SHROOM4: variants seen among roughly 807,000 people sequenced by gnomAD.
The protein encoded by SHROOM4 is shroom family member 4.
SHROOM4 carries 17 observed loss-of-function variants against 80.3 expected under a neutral mutation model. The ratio of observed to expected loss-of-function variants is 0.21; its 90% CI spans 0.14 to 0.32. SHROOM4 has a LOEUF of 0.32. Among genes scored for constraint, SHROOM4 ranks in the 10% least tolerant of loss-of-function variants. SHROOM4 has a pLI of 1.00. For missense variants in SHROOM4, 993 were observed against 1,140.3 expected, an observed-to-expected ratio of 0.87 and a Z score of 1.86; for synonymous variants, 400 against 437.5, an observed-to-expected ratio of 0.91 and a Z score of 1.07.
chrX:50,586,371 T>C (rs941311238), downstream of SHROOM4, among the ~76,000 whole-genome samples: 12 of 111,754 alleles, frequency 1.1e-4, no homozygotes, highest in African/African-American at 1.6e-4. Flanking sequence ...TAGAATCAAC[T>C]CAACACCCAG....
intron 5 of SHROOM4, among the ~76,000 whole-genome samples, chrX:50,610,674 T>C (rs1929929133): frequency 9.0e-6 from 1 of 111,237 alleles, no homozygotes; most frequent in South Asian, 3.8e-4. Context: ...TCAATAAATA[T>C]GTTTAACAAA....
chrX:50,811,401 AC>A (rs1557273429), intron 1 of SHROOM4, among the ~76,000 whole-genome samples: 1 of 110,491 alleles, frequency 9.1e-6, no homozygotes, highest in Non-Finnish European at 1.9e-5. Context: ...GGATGCCTAG[AC>A]CCAGGTAGGG....
chrX:50,619,209 T>C (rs1303139475), intron 5 of SHROOM4, among the ~76,000 whole-genome samples: 1 of 111,167 alleles, frequency 9.0e-6, no homozygotes, highest in Non-Finnish European at 1.9e-5. Context: ...CTGAAAAATC[T>C]CCTCCTACCT....
At chrX:50,602,177 C>T (rs1053195053) in intron 7 of SHROOM4, among the ~76,000 whole-genome samples, 4 of 108,984 alleles carry the variant, frequency 3.7e-5, no homozygotes, top group African/African-American at 6.7e-5. Flanking sequence ...CTGCAACCTC[C>T]GCCTCCCGGG....
At chrX:50,679,335 T>C (rs1557261594) in intron 2 of SHROOM4, among the ~76,000 whole-genome samples, 3 of 111,843 alleles carry the variant, frequency 2.7e-5, no homozygotes. Flanking sequence ...CTTAACAAAG[T>C]TCAACTCCGC....
chrX:50,615,394 T>A (rs180943753), intron 5 of SHROOM4, among the ~76,000 whole-genome samples: 1 of 111,087 alleles, frequency 9.0e-6, no homozygotes, highest in East Asian at 2.8e-4. Context: ...CACTGAGATA[T>A]CATTTCCTTG....
intron 1 of SHROOM4, among the ~76,000 whole-genome samples, chrX:50,756,847 T>C (rs1269348642): frequency 1.8e-5 from 2 of 112,213 alleles, no homozygotes; most frequent in Non-Finnish European, 3.8e-5. Context: ...ATCTGTCTTA[T>C]TACTGAGTTG....
chrX:50,623,445 A>C (rs7063360), intron 5 of SHROOM4, among the ~76,000 whole-genome samples: 39,594 of 110,103 alleles, frequency 0.36, 5,315 homozygotes, highest in South Asian at 0.42. Flanking sequence ...GCTTCGGCCT[A>C]CCAAAGTGTT....
At chrX:50,648,084 G>A (rs781831688) in intron 2 of SHROOM4, among the ~76,000 whole-genome samples, 65 of 112,119 alleles carry the variant, frequency 5.8e-4, no homozygotes, top group African/African-American at 2.1e-3. Flanking sequence ...CTTGGCTGAT[G>A]GATTTGTGTG....
Position 50,813,136 on chromosome X carries a change from T to TGGCGGC in SHROOM4, c.117+760_117+765dup, listed in dbSNP as rs782457315. ...ACAGACTCCTAAAACAAACAAACCC[T>TGGCGGC]GGCGGCGGCGGCGGCGGCGGCAGTG... On this transcript the variant is annotated intron_variant, in intron 1 of 8. Transcript: ENST00000376020. Among the ~76,000 whole-genome samples, 41 of 97,722 alleles carry TGGCGGC rather than the reference T, an allele frequency of 4.2e-4. No homozygotes were observed. In the South Asian group the frequency reaches 7.8e-3, roughly 19 times the overall value. 84.9% of individuals were successfully genotyped at this position (97,722 alleles called of 115,157 possible).
chrX:50,608,139 G>C lies in SHROOM4; in HGVS notation c.3003C>G (p.Phe1001Leu), dbSNP rs1198051106. 27 of 1,211,771 alleles carry C rather than the reference G, an allele frequency of 2.2e-5. No homozygotes were observed. Among genetic ancestry groups the C allele is most frequent in the Non-Finnish European group, 3.0e-5 (27 of 895,555 alleles). ...SKTSFSWATP[F>L]HPCLENPALD... The stretch of plus-strand genomic sequence containing the variant: ...GTGCTGGGTTCTCAAGGCAAGGATG[G>C]AAAGGGGTTGCCCATGAAAAGCTAG... Residue 1001 changes from phenylalanine to leucine, a missense_variant, in exon 6 of 9, where the codon TTC becomes TTG. By Grantham distance (22) the Phe-to-Leu change is conservative (BLOSUM62 0). Transcript: ENST00000376020.
intron 2 of SHROOM4, among the ~76,000 whole-genome samples, chrX:50,661,121 G>A: frequency 9.0e-6 from 1 of 111,145 alleles, no homozygotes; most frequent in African/African-American, 3.3e-5. Context: ...TTTTATTTTT[G>A]TATTTTTCGG....
intron 2 of SHROOM4, among the ~76,000 whole-genome samples, chrX:50,687,695 A>G (rs1416117617): frequency 9.0e-6 from 1 of 111,403 alleles, no homozygotes; most frequent in Non-Finnish European, 1.9e-5. Flanking sequence ...CTGGTCCAGG[A>G]TCTAGATACC....
intron 1 of SHROOM4, among the ~76,000 whole-genome samples, chrX:50,812,511 G>A (rs1366085960): frequency 1.8e-5 from 2 of 109,369 alleles, no homozygotes; most frequent in Non-Finnish European, 3.8e-5. Flanking sequence ...AGGGGTCCCT[G>A]CCAGCCCCTC....
the SHROOM4 span, among the ~76,000 whole-genome samples, chrX:50,580,960 T>C: frequency 2.7e-5 from 3 of 112,243 alleles, no homozygotes; most frequent in African/African-American, 9.7e-5. Flanking sequence ...AATTTAATGA[T>C]GCTAAAGTCT....
At chrX:50,686,713 A>G (rs1200894248) in intron 2 of SHROOM4, among the ~76,000 whole-genome samples, 1 of 111,467 alleles carries the variant, frequency 9.0e-6, no homozygotes, top group Non-Finnish European at 1.9e-5. Context: ...GGATGGGAAA[A>G]GAATGACTAA....
At chrX:50,619,967 C>CAA (rs1362329235) in intron 5 of SHROOM4, among the ~76,000 whole-genome samples, 2 of 111,069 alleles carry the variant, frequency 1.8e-5, no homozygotes, top group African/African-American at 3.3e-5. Flanking sequence ...TTTAAGCAAG[C>CAA]AAAAGTGCTA....
At chrX:50,785,237 T>C (rs1015741504) in intron 1 of SHROOM4, among the ~76,000 whole-genome samples, 2 of 111,862 alleles carry the variant, frequency 1.8e-5, no homozygotes, top group Non-Finnish European at 3.8e-5. Context: ...ACCTACCATA[T>C]GACCCAGCCA....
At chrX:50,610,440 T>C (rs1435035388) in intron 5 of SHROOM4, among the ~76,000 whole-genome samples, 1 of 110,645 alleles carries the variant, frequency 9.0e-6, no homozygotes, top group African/African-American at 3.3e-5. Context: ...CAGAGAAGCC[T>C]TTCCTGACTA....
Sources: allele counts gnomAD v4.1 joint callset (sites outside exome capture counted in the v4.1 genomes callset), GRCh38; gene constraint gnomAD v4.1.1; transcripts MANE v1.5; gene names NCBI Gene and HGNC (gene_info 2026-07-23, HGNC 2026-07-21).